The following SCAI variants were observed in gnomAD, a reference collection of about 807,000 sequenced individuals.
SCAI encodes protein SCAI.
A neutral mutation model predicts 92.2 loss-of-function variants in SCAI; 24 were observed. That is an observed-to-expected ratio of 0.26 (90% CI 0.19 to 0.37). The LOEUF is 0.37. SCAI is among the 10% of genes least tolerant of loss of function. SCAI has a pLI of 1.00. For synonymous variants in SCAI, 261 were observed against 258.6 expected, an observed-to-expected ratio of 1.01 and a Z score of -0.09; for missense variants, 450 against 736.2, an observed-to-expected ratio of 0.61 and a Z score of 4.50.
intron 2 of SCAI, among the ~76,000 whole-genome samples, chr9:125,138,710 G>A (rs191239518): frequency 2.6e-5 from 4 of 152,156 alleles, no homozygotes; most frequent in East Asian, 1.9e-4. Context: ...CATCGTGCCC[G>A]GCCCAATTTT....
chr9:125,079,321 C>T (rs990140019), intron 2 of SCAI, among the ~76,000 whole-genome samples: 7 of 152,078 alleles, frequency 4.6e-5, no homozygotes, highest in African/African-American at 1.7e-4. Flanking sequence ...AATTATATAT[C>T]TTTGGTTAAA....
intron 15 of SCAI, among the ~76,000 whole-genome samples, chr9:124,973,070 G>C (rs745525): frequency 0.36 from 55,121 of 152,058 alleles, 10,212 homozygotes; most frequent in Admixed American, 0.4. Flanking sequence ...GAGATGTCCT[G>C]GGGACAGGTC....
chr9:125,037,802 G>A (rs963940013), intron 3 of SCAI, among the ~76,000 whole-genome samples: 7 of 152,118 alleles, frequency 4.6e-5, no homozygotes, highest in East Asian at 1.9e-4. Context: ...TATAATCCCA[G>A]CTACTTGGGA....
At chr9:125,137,620 A>C (rs570800523) in intron 2 of SCAI, among the ~76,000 whole-genome samples, 1 of 152,310 alleles carries the variant, frequency 6.6e-6, no homozygotes, top group African/African-American at 2.4e-5. Flanking sequence ...TATTTATTTA[A>C]GACGGAGTCT....
Position 125,143,486 on chromosome 9 carries a change from C to G in SCAI, c.-49G>C, listed in dbSNP as rs1360509793. On this transcript the variant is annotated 5_prime_UTR_variant, in exon 1 of 18. Coordinates refer to ENST00000336505, the MANE Select transcript of SCAI (RefSeq NM_001144877.3). ...GCTGCTCCGGCGGCCGCAGGGCTCG[C>G]TCGGGAAGCTGAGGCGGCGGAGGCT... 16 of 1,313,810 alleles carry G rather than the reference C, an allele frequency of 1.2e-5. No homozygotes were observed. Among genetic ancestry groups the G allele is most frequent in the Non-Finnish European group, 1.5e-5 (15 of 1,030,920 alleles). 81.4% of individuals were successfully genotyped at this position (1,313,810 alleles called of 1,614,324 possible).
chr9:125,137,586 G>A (rs1444250414), intron 2 of SCAI, among the ~76,000 whole-genome samples: 8 of 152,126 alleles, frequency 5.3e-5, no homozygotes, highest in African/African-American at 1.9e-4. Context: ...CTTGGATTGA[G>A]AAGTATAAGA....
intron 2 of SCAI, among the ~76,000 whole-genome samples, chr9:125,056,633 AT>A (rs1833673339): frequency 6.6e-6 from 1 of 152,198 alleles, no homozygotes; most frequent in African/African-American, 2.4e-5. Flanking sequence ...CAATCTAAAA[AT>A]ATTGATTTAT....
intron 2 of SCAI, among the ~76,000 whole-genome samples, chr9:125,082,097 C>T (rs1834232348): frequency 6.6e-6 from 1 of 152,074 alleles, no homozygotes; most frequent in Non-Finnish European, 1.5e-5. Context: ...GCCTGGAGGT[C>T]TAGGAGAATA....
chr9:125,128,119 C>A (rs1835315337), intron 2 of SCAI, among the ~76,000 whole-genome samples: 1 of 152,040 alleles, frequency 6.6e-6, no homozygotes. Context: ...TTGCAACCAG[C>A]CTGGGTAACA....
intron 3 of SCAI, among the ~76,000 whole-genome samples, chr9:125,049,203 C>T (rs1200302088): frequency 6.6e-6 from 1 of 152,080 alleles, no homozygotes; most frequent in East Asian, 1.9e-4. Context: ...TATATACTAT[C>T]AGTGGCCTCC....
chr9:124,973,200 T>C (rs748578873), intron 15 of SCAI, among the ~76,000 whole-genome samples: 9 of 152,248 alleles, frequency 5.9e-5, no homozygotes, highest in Non-Finnish European at 1.0e-4. Context: ...TGCTAAGTAC[T>C]GATATGTGGA....
intron 17 of SCAI, among the ~76,000 whole-genome samples, chr9:124,969,330 T>C (rs1172372149): frequency 2.6e-5 from 4 of 152,192 alleles, no homozygotes; most frequent in Non-Finnish European, 5.9e-5. Flanking sequence ...CAAAATATTT[T>C]TTTAACTGTT....
chr9:125,032,861 C>A (rs1833109075), intron 3 of SCAI, among the ~76,000 whole-genome samples: 1 of 152,074 alleles, frequency 6.6e-6, no homozygotes, highest in Non-Finnish European at 1.5e-5. Context: ...AGGTGATCCA[C>A]CCACCTTGGC....
chr9:125,018,764 T>G lies in SCAI; in HGVS notation c.861+35A>C, dbSNP rs115500032. 2,916 of 1,552,920 alleles carry G rather than the reference T, an allele frequency of 1.9e-3. 39 individuals are homozygous for G. In the African/African-American group the frequency reaches 0.033, roughly 18 times the overall value. ...TCATCAATAGCACTATTTTTCACAG[T>G]GAATTTTAAGCATAATTCCTTCACA... On this transcript the variant is annotated intron_variant, in intron 9 of 17. Transcript: ENST00000336505.
chr9:125,128,679 G>A (rs1422943271), intron 2 of SCAI, among the ~76,000 whole-genome samples: 1 of 151,950 alleles, frequency 6.6e-6, no homozygotes, highest in Non-Finnish European at 1.5e-5. Flanking sequence ...CATGAACCCA[G>A]GAGGCAGAGC....
At chr9:125,141,587 T>A (rs1482723187) in intron 2 of SCAI, among the ~76,000 whole-genome samples, 1 of 152,258 alleles carries the variant, frequency 6.6e-6, no homozygotes, top group African/African-American at 2.4e-5. Flanking sequence ...TTGCTTCTAT[T>A]TTCCTAAGGT....
At chr9:125,030,541 T>G (rs1021799750) in intron 3 of SCAI, among the ~76,000 whole-genome samples, 2 of 152,142 alleles carry the variant, frequency 1.3e-5, no homozygotes, top group African/African-American at 4.8e-5. Flanking sequence ...CAGCCTTACT[T>G]CGGAAAAGCT....
intron 2 of SCAI, among the ~76,000 whole-genome samples, chr9:125,132,052 A>G (rs957178238): frequency 6.6e-6 from 1 of 151,264 alleles, no homozygotes; most frequent in Non-Finnish European, 1.5e-5. Context: ...TGTACGTTCT[A>G]TTTCTTTGCA....
At chr9:124,975,682 T>C (rs1273390970) in intron 15 of SCAI, among the ~76,000 whole-genome samples, 1 of 152,174 alleles carries the variant, frequency 6.6e-6, no homozygotes, top group Admixed American at 6.5e-5. Context: ...AGTTAGGTTA[T>C]CCTAACTCTG....
Sources: gnomAD v4.1 joint callset for allele counts (sites outside exome capture counted in the v4.1 genomes callset) on GRCh38, gnomAD v4.1.1 for gene constraint, MANE v1.5 for transcripts, NCBI Gene and HGNC (gene_info 2026-07-23, HGNC 2026-07-21) for gene names.